GRK4: variants seen among roughly 807,000 people sequenced by gnomAD.
The protein encoded by GRK4 is G protein-coupled receptor kinase 4, also known as G protein-coupled receptor kinase 2-like.
A neutral mutation model predicts 77.9 loss-of-function variants in GRK4; 73 were observed. The ratio of observed to expected loss-of-function variants is 0.94; its 90% confidence interval spans 0.78 to 1.14. The LOEUF is 1.14. Among genes scored for constraint, GRK4 ranks in the 50% most tolerant of loss-of-function variants. The pLI is 0.00. For synonymous variants in GRK4, 257 were observed against 254.4 expected (o/e 1.01, Z -0.10); for missense variants, 729 against 700.2 (o/e 1.04, Z -0.46).
intron 1 of GRK4, among the ~76,000 whole-genome samples, chr4:2,982,442 A>G (rs1463125486): frequency 6.6e-6 from 1 of 152,264 alleles, no homozygotes; most frequent in African/African-American, 2.4e-5. Context: ...AACAAGAGAA[A>G]GCAGAGATAG....
chr4:3,011,534 G>A (rs1254895307), intron 7 of GRK4, among the ~76,000 whole-genome samples: 1 of 152,126 alleles, frequency 6.6e-6, no homozygotes, highest in Non-Finnish European at 1.5e-5. Context: ...CAAATGATTG[G>A]CTGCACGAAT....
intron 1 of GRK4, among the ~76,000 whole-genome samples, chr4:2,981,363 T>G (rs1009483067): frequency 2.6e-5 from 4 of 152,138 alleles, no homozygotes. Context: ...AACTGGAGGG[T>G]AAGCAAGAAG....
chr4:3,028,979 C>T (rs568544577), intron 11 of GRK4, among the ~76,000 whole-genome samples: 1 of 152,256 alleles, frequency 6.6e-6, no homozygotes, highest in East Asian at 1.9e-4. Flanking sequence ...ACCATGTTGT[C>T]CAGGCTGGTC....
intron 8 of GRK4, among the ~76,000 whole-genome samples, chr4:3,018,883 A>G (rs1735281048): frequency 6.6e-6 from 1 of 152,186 alleles, no homozygotes; most frequent in Non-Finnish European, 1.5e-5. Context: ...TGTCTCAAAA[A>G]AATAAAGAAA....
At chr4:2,995,917 G>C (rs1174800931) in intron 4 of GRK4, among the ~76,000 whole-genome samples, 1 of 152,150 alleles carries the variant, frequency 6.6e-6, no homozygotes, top group Non-Finnish European at 1.5e-5. Context: ...ATAAGTTATG[G>C]TGTCCAGTAT....
chr4:3,011,966 G>A (rs769424867), intron 7 of GRK4, among the ~76,000 whole-genome samples: 41 of 152,278 alleles, frequency 2.7e-4, no homozygotes, highest in African/African-American at 9.1e-4. Flanking sequence ...GGGTCCTGTC[G>A]TATCACTTCC....
chr4:3,023,347 G>GA (rs1736587035), intron 10 of GRK4, among the ~76,000 whole-genome samples: 1 of 152,226 alleles, frequency 6.6e-6, no homozygotes. Context: ...AGTGCTGGGA[G>GA]AGAGCTTCTT....
chr4:2,985,424 AG>A (rs1348612044), intron 2 of GRK4, among the ~76,000 whole-genome samples: 1 of 151,128 alleles, frequency 6.6e-6, no homozygotes, highest in Non-Finnish European at 1.5e-5. Context: ...AAAATTATTG[AG>A]CCAGGCATGG....
intron 1 of GRK4, among the ~76,000 whole-genome samples, chr4:2,979,199 T>C (rs1189295107): frequency 4.7e-5 from 7 of 149,524 alleles, no homozygotes; most frequent in Non-Finnish European, 1.0e-4. Flanking sequence ...CACTCCAGCC[T>C]GGGCAACAGA....
intron 4 of GRK4, among the ~76,000 whole-genome samples, chr4:3,001,143 G>GTA (rs1480610263): frequency 7.4e-6 from 1 of 134,652 alleles, no homozygotes; most frequent in African/African-American, 2.9e-5. Context: ...ATATATATAG[G>GTA]TATATATGTG....
chr4:3,004,406 T>G, intron 5 of GRK4, 72 bp downstream of exon 5: 1 of 976,104 alleles, frequency 1.0e-6, no homozygotes, highest in Admixed American at 1.9e-5. Flanking sequence ...TTCAGGAGGT[T>G]TCTCTGCATA....
chr4:2,996,612 T>C (rs1728004121), intron 4 of GRK4, among the ~76,000 whole-genome samples: 1 of 152,118 alleles, frequency 6.6e-6, no homozygotes, highest in African/African-American at 2.4e-5. Flanking sequence ...ACAGTGGCAA[T>C]TAAATGTCAT....
chr4:2,988,598 A>G (rs1237206729), intron 2 of GRK4, 129 bp from the exon 3 acceptor site: 4 of 574,264 alleles, frequency 7.0e-6, no homozygotes, highest in Non-Finnish European at 1.3e-5. Context: ...CAACAACAAG[A>G]TGAAAATAAT....
chr4:2,971,358 G>C (rs1288262069), intron 1 of GRK4, among the ~76,000 whole-genome samples: 2 of 152,258 alleles, frequency 1.3e-5, no homozygotes, highest in East Asian at 3.9e-4. Context: ...CTTTTGCCCA[G>C]CTTTGCTTGC....
chr4:3,019,886 G>T (rs763686350), intron 9 of GRK4, 55 bp downstream of exon 9: 42 of 1,519,064 alleles, frequency 2.8e-5, no homozygotes, highest in Non-Finnish European at 3.8e-5. Flanking sequence ...GTTTCTCCCA[G>T]CCCTAGGCTT....
At chr4:3,032,288 C>T (rs1168259186) in intron 12 of GRK4, among the ~76,000 whole-genome samples, 2 of 150,710 alleles carry the variant, frequency 1.3e-5, no homozygotes, top group Non-Finnish European at 2.9e-5. Flanking sequence ...TGAGACCAGC[C>T]TGGCCAAGAT....
At chr4:2,981,616 T>G (rs1332534679) in intron 1 of GRK4, among the ~76,000 whole-genome samples, 3 of 152,208 alleles carry the variant, frequency 2.0e-5, no homozygotes, top group Non-Finnish European at 4.4e-5. Flanking sequence ...TGGCTGAGTC[T>G]GGGGTTTTTA....
chr4:3,017,131 T>C (rs2109954971), intron 8 of GRK4, among the ~76,000 whole-genome samples: 1 of 152,348 alleles, frequency 6.6e-6, no homozygotes, highest in East Asian at 1.9e-4. Flanking sequence ...ACTTTCCTGA[T>C]TAAAAACTCC....
chr4:3,035,398 A>T lies in GRK4; in HGVS notation c.1282A>T (p.Asn428Tyr), dbSNP rs1435762911. 6.2e-7 allele frequency: 1 copy of T among 1,614,012 alleles called. No homozygotes were observed. Among genetic ancestry groups the T allele is most frequent in the East Asian group, 2.2e-5 (1 of 44,884 alleles). The part of the protein sequence containing the change: ...KSICRMLLTK[N>Y]PSKRLGCRGE... ...CTGCCTCTTGCAGTTACTCACCAAG[A>T]ATCCAAGCAAGCGGCTGGGCTGCAG... is the stretch of plus-strand genomic sequence containing the variant. The change falls in exon 13 of 16, where the codon AAT (asparagine) becomes TAT (tyrosine). Residue 428 changes from asparagine to tyrosine, a missense_variant. By Grantham distance (143) the Asn-to-Tyr change is moderately radical (BLOSUM62 -2). Transcript: ENST00000398052.
Sources: gnomAD v4.1 joint callset for allele counts (sites outside exome capture counted in the v4.1 genomes callset) on GRCh38, gnomAD v4.1.1 for gene constraint, MANE v1.5 for transcripts, NCBI Gene and HGNC (gene_info 2026-07-23, HGNC 2026-07-21) for gene names.